The following PHACTR3 variants were observed in gnomAD, a reference collection of about 807,000 sequenced individuals.
PHACTR3 encodes the protein protein phosphatase 1, regulatory subunit 123.
A neutral mutation model predicts 66.8 loss-of-function variants in PHACTR3; 16 were observed. That is an observed-to-expected ratio of 0.24 (90% confidence interval 0.16 to 0.36). PHACTR3 has a LOEUF of 0.36. Ranked by LOEUF, PHACTR3 falls within the 10% of genes least tolerant of loss-of-function variation. The pLI is 1.00. For missense variants in PHACTR3, 647 were observed against 719.9 expected (o/e 0.90, Z 1.16); for synonymous variants, 323 against 292.1 (o/e 1.11, Z -1.08).
chr20:59,605,078 A>G lies in PHACTR3; in HGVS notation c.64A>G (p.Ser22Gly). 1.4e-6 allele frequency: 2 copies of G among 1,419,364 alleles called. No homozygotes were observed. Among genetic ancestry groups the G allele is most frequent in the Non-Finnish European group, 1.9e-6 (2 of 1,080,620 alleles). 87.9% of individuals were successfully genotyped at this position (1,419,364 alleles called of 1,614,324 possible). Residue 22 changes from serine (S) to glycine (G), a missense_variant, in exon 1 of 13, where the codon AGC becomes GGC. By Grantham distance (56) the Ser-to-Gly change is moderately conservative. Around this residue, in one of 2 missense-constraint regions of PHACTR3, gnomAD observed 577 missense variants for 571.1 expected, o/e 1.01. Transcript: ENST00000371015. ...VSRGRSQSDP[S>G]VLTDSSATSS... ...GCGGGGCCGCTCGCAGAGTGACCCC[A>G]GCGTCCTCACCGACTCCTCGGCCAC...
At chr20:59,761,821 T>A (rs750038381) in intron 4 of PHACTR3, among the ~76,000 whole-genome samples, 1 of 152,112 alleles carries the variant, frequency 6.6e-6, no homozygotes, top group South Asian at 2.1e-4. Context: ...GACCCCTGCA[T>A]TGGGGTTTGT....
chr20:59,681,763 C>G (rs534512170), intron 1 of PHACTR3, among the ~76,000 whole-genome samples: 195 of 152,358 alleles, frequency 1.3e-3, no homozygotes, highest in African/African-American at 4.4e-3. Flanking sequence ...GTAATCTCAG[C>G]TCTTTGGGAG....
intron 1 of PHACTR3, among the ~76,000 whole-genome samples, chr20:59,629,354 G>C (rs1458206477): frequency 3.3e-5 from 5 of 152,206 alleles, no homozygotes; most frequent in Non-Finnish European, 5.9e-5. Context: ...GCCTGAGAAG[G>C]CCCAGCCTTC....
intron 1 of PHACTR3, among the ~76,000 whole-genome samples, chr20:59,650,740 CAA>C (rs34879994): frequency 3.6e-4 from 22 of 61,462 alleles, no homozygotes; most frequent in South Asian, 1.2e-3. Flanking sequence ...GCGTTGATAG[CAA>C]AAAAAAAAAA....
At chr20:59,730,225 T>C (rs1453521917) in intron 1 of PHACTR3, among the ~76,000 whole-genome samples, 4 of 152,118 alleles carry the variant, frequency 2.6e-5, no homozygotes, top group African/African-American at 9.7e-5. Context: ...CTGAAGGCCA[T>C]GGTGGAAAAA....
chr20:59,578,217 G>T (rs887092415), intron 1 of PHACTR3, among the ~76,000 whole-genome samples: 7 of 152,224 alleles, frequency 4.6e-5, no homozygotes, highest in Non-Finnish European at 8.8e-5. Flanking sequence ...AATGGCCAGG[G>T]CCCCAGCTGG....
chr20:59,785,243 G>A (rs1009487283), intron 7 of PHACTR3, among the ~76,000 whole-genome samples: 5 of 152,136 alleles, frequency 3.3e-5, no homozygotes, highest in African/African-American at 4.8e-5. Flanking sequence ...TTATAGGGCC[G>A]TTCCCCTGTG....
chr20:59,750,118 G>A (rs552852431), intron 3 of PHACTR3, among the ~76,000 whole-genome samples: 14 of 151,992 alleles, frequency 9.2e-5, no homozygotes, highest in Non-Finnish European at 1.9e-4. Context: ...CATCCAGTGG[G>A]GCCATTAGGT....
intron 7 of PHACTR3, among the ~76,000 whole-genome samples, chr20:59,776,923 A>G (rs2040559484): frequency 6.6e-6 from 1 of 152,194 alleles, no homozygotes; most frequent in Non-Finnish European, 1.5e-5. Context: ...TGGCCTGGTC[A>G]CAGCCAGCTG....
chr20:59,641,893 T>C (rs2146425884), intron 1 of PHACTR3, among the ~76,000 whole-genome samples: 1 of 152,350 alleles, frequency 6.6e-6, no homozygotes, highest in East Asian at 1.9e-4. Context: ...TATTAATTGC[T>C]CTTCTATTAG....
At chr20:59,626,044 G>C (rs973317225) in intron 1 of PHACTR3, among the ~76,000 whole-genome samples, 1 of 152,110 alleles carries the variant, frequency 6.6e-6, no homozygotes, top group Admixed American at 6.5e-5. Context: ...CTTTAGAGGG[G>C]GTCTGACCCA....
At chr20:59,632,310 ACG>A (rs1473205366) in intron 1 of PHACTR3, among the ~76,000 whole-genome samples, 2 of 152,150 alleles carry the variant, frequency 1.3e-5, no homozygotes, top group Non-Finnish European at 2.9e-5. Flanking sequence ...GTCTCTGTCC[ACG>A]TGGAATTGAC....
intron 1 of PHACTR3, among the ~76,000 whole-genome samples, chr20:59,634,008 A>G (rs1188860991): frequency 6.6e-6 from 1 of 152,140 alleles, no homozygotes; most frequent in Non-Finnish European, 1.5e-5. Context: ...GGAAATGTCT[A>G]ATTTTTACAC....
At chr20:59,798,388 C>T (rs2041314923) in intron 7 of PHACTR3, among the ~76,000 whole-genome samples, 1 of 152,140 alleles carries the variant, frequency 6.6e-6, no homozygotes, top group Admixed American at 6.5e-5. Context: ...ACATTCAAAC[C>T]ATAAAAACTT....
intron 1 of PHACTR3, among the ~76,000 whole-genome samples, chr20:59,659,346 C>A (rs2035734389): frequency 6.7e-6 from 1 of 149,050 alleles, no homozygotes; most frequent in African/African-American, 2.5e-5. Context: ...GTCAGTCGTA[C>A]CTGTAGATCA....
intron 1 of PHACTR3, among the ~76,000 whole-genome samples, chr20:59,699,743 C>T (rs988697065): frequency 1.3e-5 from 2 of 152,142 alleles, no homozygotes; most frequent in African/African-American, 4.8e-5. Flanking sequence ...GTGGGTGGAT[C>T]ATGAGGTCAA....
intron 1 of PHACTR3, among the ~76,000 whole-genome samples, chr20:59,640,715 T>C (rs1035961314): frequency 6.6e-6 from 1 of 152,158 alleles, no homozygotes; most frequent in African/African-American, 2.4e-5. Context: ...AGAGAGATCA[T>C]AGGGTTGTAA....
rs1330814383 is a variant in PHACTR3 at position 59,830,889 on chromosome 20, T to G, written c.1329-5616T>G. 6.6e-6 allele frequency among the ~76,000 whole-genome samples: 1 copy of G among 152,126 alleles called. No homozygotes were observed. Among genetic ancestry groups the G allele is most frequent in the East Asian group, 1.9e-4 (1 of 5,166 alleles). ...TGGGGCACCAGTGCTGACTGTGGAA[T>G]AGACAGTTGACAGCCTCCACAGACC... On this transcript the variant is annotated intron_variant, in intron 8 of 12. Transcript: ENST00000371015. The surrounding 1 kb of genome is among the most constrained non-coding windows in gnomAD (Gnocchi z 5.8).
chr20:59,836,648 C>T, intron 9 of PHACTR3, 88 bp downstream of exon 9: 1 of 1,331,114 alleles, frequency 7.5e-7, no homozygotes, highest in Non-Finnish European at 1.0e-6. Context: ...CCCAGCCCTT[C>T]TCTGCAAGCG....
Sources: allele counts gnomAD v4.1 joint callset (sites outside exome capture counted in the v4.1 genomes callset), GRCh38; gene constraint gnomAD v4.1.1; regional missense constraint gnomAD v4.1.1; non-coding constraint Gnocchi (gnomAD v3.1); transcripts MANE v1.5; gene names NCBI Gene and HGNC (gene_info 2026-07-23, HGNC 2026-07-21).